The following FA2H variants were observed in gnomAD, a reference collection of about 807,000 sequenced individuals.
FA2H encodes fatty acid 2-hydroxylase.
A neutral mutation model predicts 44.9 loss-of-function variants in FA2H; 22 were observed. That is an observed-to-expected ratio of 0.49 (90% confidence interval 0.35 to 0.70). FA2H has a LOEUF of 0.70. Among genes scored for constraint, FA2H ranks in the 30% least tolerant of loss-of-function variants. The pLI is 0.01. For synonymous variants in FA2H, 243 were observed against 213.2 expected (o/e 1.14, Z -1.22); for missense variants, 501 against 504.9 (o/e 0.99, Z 0.07).
intron 2 of FA2H, among the ~76,000 whole-genome samples, chr16:74,736,608 G>A (rs1220547199): frequency 1.3e-5 from 2 of 152,206 alleles, no homozygotes; most frequent in Non-Finnish European, 1.5e-5. Flanking sequence ...GATGCCTGCT[G>A]GATGCGTCTA....
At chr16:74,757,890 G>C (rs1401016454) in intron 1 of FA2H, among the ~76,000 whole-genome samples, 2 of 152,094 alleles carry the variant, frequency 1.3e-5, no homozygotes, top group Admixed American at 1.3e-4. Context: ...GTGGTGGCTT[G>C]TGCCTGTAGT....
chr16:74,741,867 T>G (rs1401062572), intron 1 of FA2H, among the ~76,000 whole-genome samples: 1 of 146,444 alleles, frequency 6.8e-6, no homozygotes, highest in African/African-American at 2.5e-5. Context: ...TGTGTGTGTG[T>G]GTATGTGTGT....
intron 6 of FA2H, among the ~76,000 whole-genome samples, chr16:74,714,836 T>G (rs1961659065): frequency 1.1e-5 from 1 of 88,902 alleles, no homozygotes; most frequent in Admixed American, 9.1e-5. Context: ...TTACTGGAAT[T>G]TTTTTTTTTT....
At chr16:74,745,556 G>A (rs1962403934) in intron 1 of FA2H, among the ~76,000 whole-genome samples, 2 of 152,228 alleles carry the variant, frequency 1.3e-5, no homozygotes, top group African/African-American at 4.8e-5. Flanking sequence ...GGGGTCAGCA[G>A]GCACTGCTCA....
intron 1 of FA2H, among the ~76,000 whole-genome samples, chr16:74,766,723 G>A (rs1262631073): frequency 6.6e-6 from 1 of 152,164 alleles, no homozygotes; most frequent in East Asian, 1.9e-4. Context: ...TTCTCCCTCT[G>A]CCTATGGATT....
intron 4 of FA2H, among the ~76,000 whole-genome samples, chr16:74,719,896 C>G (rs1961792410): frequency 6.6e-6 from 1 of 151,624 alleles, no homozygotes; most frequent in African/African-American, 2.4e-5. Flanking sequence ...CACCAGGGAC[C>G]ATGGGGCAGG....
intron 1 of FA2H, among the ~76,000 whole-genome samples, chr16:74,767,124 C>G (rs1005042857): frequency 2.6e-5 from 4 of 152,176 alleles, no homozygotes; most frequent in Non-Finnish European, 5.9e-5. Flanking sequence ...TCCTGGCCAA[C>G]ATAGTGAAAC....
In FA2H at chr16:74,714,288, G is replaced by A. The variant is rs779466294; in HGVS notation, c.1040-19C>T. 1.6e-5 allele frequency: 24 copies of A among 1,505,806 alleles called. No individual in the cohort carries two copies. Among genetic ancestry groups the A allele is most frequent in the South Asian group, 2.4e-5 (2 of 83,162 alleles). 93.3% of individuals were successfully genotyped at this position (1,505,806 alleles called of 1,614,324 possible). A position where few individuals can be genotyped will look rare whatever the true frequency, so the allele number is the denominator to read the frequency against. On this transcript the variant is annotated intron_variant, in intron 6 of 6. Transcript: ENST00000219368. ...CCAAATCCTAGAGAGGGAGACAAAC[G>A]GGGAGAAGATGAGGCATTGAAGGAG... is the stretch of plus-strand genomic sequence containing the variant.
chr16:74,758,485 A>C (rs2144655850), intron 1 of FA2H, among the ~76,000 whole-genome samples: 1 of 152,278 alleles, frequency 6.6e-6, no homozygotes, highest in African/African-American at 2.4e-5. Context: ...ATTAATATGT[A>C]ATTATTATGA....
intron 1 of FA2H, among the ~76,000 whole-genome samples, chr16:74,758,409 C>T (rs1292413089): frequency 6.6e-6 from 1 of 151,826 alleles, no homozygotes; most frequent in African/African-American, 2.4e-5. Flanking sequence ...CATGAGCCAC[C>T]GTGCCCGGCT....
intron 1 of FA2H, among the ~76,000 whole-genome samples, chr16:74,748,127 G>C (rs1372209466): frequency 6.6e-6 from 1 of 152,240 alleles, no homozygotes; most frequent in Admixed American, 6.5e-5. Flanking sequence ...ATTCAAATAG[G>C]TCCGTTCCTA....
At chr16:74,765,220 G>A (rs886968658) in intron 1 of FA2H, among the ~76,000 whole-genome samples, 9 of 151,168 alleles carry the variant, frequency 6.0e-5, no homozygotes, top group East Asian at 1.9e-4. Flanking sequence ...GCAATGGCGC[G>A]ATCTTGGCTC....
chr16:74,731,984 C>T (rs1183011434), intron 2 of FA2H, among the ~76,000 whole-genome samples: 3 of 152,180 alleles, frequency 2.0e-5, no homozygotes. Flanking sequence ...GCAATTCTCC[C>T]ACCTCAGCTT....
At chr16:74,745,440 C>T (rs114320830) in intron 1 of FA2H, among the ~76,000 whole-genome samples, 381 of 152,302 alleles carry the variant, frequency 2.5e-3, no homozygotes, top group African/African-American at 8.5e-3. Flanking sequence ...GAGAGGCCAC[C>T]GATGCGTGGG....
At chr16:74,761,533 C>G (rs1480742924) in intron 1 of FA2H, among the ~76,000 whole-genome samples, 2 of 152,102 alleles carry the variant, frequency 1.3e-5, no homozygotes, top group Non-Finnish European at 2.9e-5. Context: ...ACTATTAGCT[C>G]TACAGGGATC....
intron 1 of FA2H, among the ~76,000 whole-genome samples, chr16:74,742,054 C>A (rs1190463386): frequency 1.3e-5 from 2 of 152,008 alleles, no homozygotes; most frequent in African/African-American, 4.8e-5. Flanking sequence ...TAGGTTCCAA[C>A]AGGCAGGGAC....
chr16:74,718,889 G>T (rs1961767088), intron 5 of FA2H, 99 bp downstream of exon 5: 10 of 1,406,494 alleles, frequency 7.1e-6, no homozygotes, highest in Non-Finnish European at 9.8e-6. Context: ...CCCACAGCCA[G>T]ACTCCCAGGA....
chr16:74,748,955 G>A (rs951746284), intron 1 of FA2H, among the ~76,000 whole-genome samples: 58 of 152,162 alleles, frequency 3.8e-4, no homozygotes, highest in African/African-American at 1.3e-3. Flanking sequence ...GGAGGCCCAG[G>A]GGGAAGGTGG....
chr16:74,756,004 C>A (rs1242693427), intron 1 of FA2H, among the ~76,000 whole-genome samples: 1 of 152,220 alleles, frequency 6.6e-6, no homozygotes, highest in East Asian at 1.9e-4. Context: ...TAATATGCTC[C>A]TCATGCAATT....
Sources: gnomAD v4.1 joint callset for allele counts (sites outside exome capture counted in the v4.1 genomes callset) on GRCh38, gnomAD v4.1.1 for gene constraint, MANE v1.5 for transcripts, NCBI Gene and HGNC (gene_info 2026-07-23, HGNC 2026-07-21) for gene names.